The following TMEM132D variants were observed in gnomAD, a reference collection of about 807,000 sequenced individuals.
The protein encoded by TMEM132D is mature OL transmembrane protein.
Under a neutral mutation model 62.3 loss-of-function variants are expected in TMEM132D, and 21 were observed. The ratio of observed to expected loss-of-function variants is 0.34; its 90% CI spans 0.24 to 0.49. The LOEUF is 0.49. Among genes scored for constraint, TMEM132D ranks in the 20% least tolerant of loss-of-function variants. The pLI, the probability that TMEM132D is intolerant of heterozygous loss-of-function variation, is 0.99. For synonymous variants in TMEM132D, 621 were observed against 575.6 expected, an observed-to-expected ratio of 1.08 and a Z score of -1.13; for missense variants, 1,346 against 1,402.8, an observed-to-expected ratio of 0.96 and a Z score of 0.65.
At chr12:129,267,979 A>G (rs890655513) in intron 4 of TMEM132D, among the ~76,000 whole-genome samples, 19 of 152,280 alleles carry the variant, frequency 1.2e-4, no homozygotes, top group Admixed American at 3.3e-4. Context: ...CTAGCTAGCC[A>G]TATGTAGAAA....
chr12:129,155,270 C>A (rs764067978), intron 5 of TMEM132D, among the ~76,000 whole-genome samples: 1 of 152,178 alleles, frequency 6.6e-6, no homozygotes, highest in Admixed American at 6.5e-5. Flanking sequence ...CAGGTTGGTG[C>A]GATCTGTACC....
At chr12:129,436,208 C>T (rs1465199096) in intron 3 of TMEM132D, among the ~76,000 whole-genome samples, 2 of 152,038 alleles carry the variant, frequency 1.3e-5, no homozygotes, top group Non-Finnish European at 2.9e-5. Flanking sequence ...TAATGAAGAC[C>T]ATAAAACAGT....
chr12:129,896,925 T>C (rs1875158331), intron 1 of TMEM132D, among the ~76,000 whole-genome samples: 1 of 152,218 alleles, frequency 6.6e-6, no homozygotes, highest in African/African-American at 2.4e-5. Flanking sequence ...TGTACTTCAG[T>C]CGCTTTTCAG....
intron 4 of TMEM132D, among the ~76,000 whole-genome samples, chr12:129,317,562 G>A (rs866249359): frequency 6.6e-6 from 1 of 152,224 alleles, no homozygotes; most frequent in Middle Eastern, 3.4e-3. Flanking sequence ...CTTCTGTCTC[G>A]CAGCTCTTAA....
intron 3 of TMEM132D, among the ~76,000 whole-genome samples, chr12:129,428,195 C>T (rs111658620): frequency 2.0e-5 from 3 of 152,186 alleles, no homozygotes; most frequent in African/African-American, 7.2e-5. Flanking sequence ...ATACGGAAAC[C>T]CATTTTAAAA....
chr12:129,094,054 GT>G (rs1875019582), intron 5 of TMEM132D, among the ~76,000 whole-genome samples: 1 of 152,026 alleles, frequency 6.6e-6, no homozygotes, highest in South Asian at 2.1e-4. Context: ...AGACTTAAAT[GT>G]TAGACCTAAA....
At chr12:129,355,399 G>A (rs893654067) in intron 3 of TMEM132D, among the ~76,000 whole-genome samples, 13 of 151,634 alleles carry the variant, frequency 8.6e-5, no homozygotes, top group Non-Finnish European at 1.8e-4. Context: ...GGGTGCCAGC[G>A]CCTGTGTGAG....
At chr12:129,301,973 TAAAA>T (rs564199779) in intron 4 of TMEM132D, among the ~76,000 whole-genome samples, 1 of 147,842 alleles carries the variant, frequency 6.8e-6, no homozygotes, top group Non-Finnish European at 1.5e-5. Context: ...ATCTTTTCTT[TAAAA>T]AAAAAAACGT....
chr12:129,649,290 C>T (rs1054616586), intron 2 of TMEM132D, among the ~76,000 whole-genome samples: 2 of 152,164 alleles, frequency 1.3e-5, no homozygotes, highest in Admixed American at 1.3e-4. Flanking sequence ...CCTTCACTTT[C>T]TCCTTGGTAC....
At chr12:129,203,505 G>C (rs1878763245) in intron 5 of TMEM132D, among the ~76,000 whole-genome samples, 1 of 151,594 alleles carries the variant, frequency 6.6e-6, no homozygotes, top group African/African-American at 2.4e-5. Context: ...GAAGCATGTG[G>C]AGGGCAGGGC....
intron 1 of TMEM132D, among the ~76,000 whole-genome samples, chr12:129,760,196 T>G (rs1870306519): frequency 6.6e-6 from 1 of 152,098 alleles, no homozygotes; most frequent in Non-Finnish European, 1.5e-5. Flanking sequence ...CATGAGCCAC[T>G]GTGCCCAGCC....
rs188875662 is a variant in TMEM132D, at chr12:129,165,461, T to A, written c.1443+44059A>T. Among the ~76,000 whole-genome samples the A allele has an allele frequency of 2.1e-4, 32 of 152,282 alleles. No homozygotes were observed. In the East Asian group the frequency reaches 6.2e-3, roughly 29 times the overall value. On this transcript the variant is annotated intron_variant, in intron 5 of 8. Coordinates refer to ENST00000422113, the MANE Select transcript of TMEM132D (RefSeq NM_133448.3). ...TTGTGATGTCTGCAACTAACTGAAA[T>A]GGACAAAGAAATGGATCAGTTGTTT... is the stretch of plus-strand genomic sequence containing the variant.
At chr12:129,214,501 C>A (rs988391030) in intron 4 of TMEM132D, among the ~76,000 whole-genome samples, 1 of 152,208 alleles carries the variant, frequency 6.6e-6, no homozygotes, top group Non-Finnish European at 1.5e-5. Flanking sequence ...TTCTGCCTTT[C>A]TTTCTGACAA....
At chr12:129,515,245 C>T (rs1197703316) in intron 3 of TMEM132D, among the ~76,000 whole-genome samples, 1 of 152,190 alleles carries the variant, frequency 6.6e-6, no homozygotes, top group Non-Finnish European at 1.5e-5. Context: ...TGTCTTGTTG[C>T]TGTCGGTACA....
At chr12:129,200,327 G>C (rs991406574) in intron 5 of TMEM132D, among the ~76,000 whole-genome samples, 1 of 152,206 alleles carries the variant, frequency 6.6e-6, no homozygotes, top group Non-Finnish European at 1.5e-5. Context: ...GAGCCTCAGA[G>C]ATACTCCTTC....
chr12:129,289,091 G>A (rs1484570806), intron 4 of TMEM132D, among the ~76,000 whole-genome samples: 1 of 152,152 alleles, frequency 6.6e-6, no homozygotes, highest in Non-Finnish European at 1.5e-5. Flanking sequence ...GTGGGTGCCA[G>A]GGATGGGGGT....
intron 7 of TMEM132D, among the ~76,000 whole-genome samples, chr12:129,081,420 T>C (rs983065490): frequency 1.3e-5 from 2 of 152,114 alleles, no homozygotes; most frequent in Admixed American, 1.3e-4. Flanking sequence ...CACCTCAGCC[T>C]CCCGAGTAGC....
intron 1 of TMEM132D, among the ~76,000 whole-genome samples, chr12:129,828,867 T>A (rs1872746913): frequency 7.0e-6 from 1 of 142,992 alleles, no homozygotes; most frequent in Admixed American, 7.2e-5. Flanking sequence ...GAGGAAAAAA[T>A]TATTCCAAGA....
At chr12:129,085,472 T>G (rs1006965998) in intron 5 of TMEM132D, 1 of 152,346 alleles carries the variant, frequency 6.6e-6, no homozygotes, top group African/African-American at 2.4e-5. Context: ...ATGCACCTCC[T>G]GCTGGTTTTC....
Sources: allele counts gnomAD v4.1 joint callset (sites outside exome capture counted in the v4.1 genomes callset), GRCh38; gene constraint gnomAD v4.1.1; transcripts MANE v1.5; gene names NCBI Gene and HGNC (gene_info 2026-07-23, HGNC 2026-07-21).